NSMAF: variants seen among roughly 807,000 people sequenced by gnomAD.
NSMAF encodes protein FAN.
Under a neutral mutation model 134.9 loss-of-function variants are expected in NSMAF, and 90 were observed. That is an observed-to-expected ratio of 0.67 (90% CI 0.56 to 0.79). The LOEUF is 0.79. Ranked by LOEUF, NSMAF falls within the 30% of genes least tolerant of loss-of-function variation. The pLI is 0.00. For synonymous variants in NSMAF, 358 were observed against 389.6 expected, an observed-to-expected ratio of 0.92 and a Z score of 0.96; for missense variants, 1,010 against 1,119.0, an observed-to-expected ratio of 0.90 and a Z score of 1.39.
intron 6 of NSMAF, 116 bp from the exon 7 acceptor site, chr8:58,623,896 T>G: frequency 1.4e-6 from 1 of 740,710 alleles, no homozygotes; most frequent in East Asian, 2.7e-5. Context: ...TTTTACCTAG[T>G]GTAACTTCCC....
intron 9 of NSMAF, 103 bp from the exon 10 acceptor site, chr8:58,609,836 A>T (rs1806487705): frequency 4.9e-6 from 5 of 1,027,656 alleles, no homozygotes; most frequent in Non-Finnish European, 5.7e-6. Flanking sequence ...ACATTTGTCT[A>T]AACACTACAT....
chr8:58,655,399 C>CT (rs200424193), intron 1 of NSMAF, among the ~76,000 whole-genome samples: 352 of 144,902 alleles, frequency 2.4e-3, no homozygotes, highest in African/African-American at 3.9e-3. Context: ...ATAGAAATGT[C>CT]TTTTTTTTTT....
At chr8:58,593,560 C>T (rs566999132) in intron 23 of NSMAF, among the ~76,000 whole-genome samples, 13 of 152,264 alleles carry the variant, frequency 8.5e-5, no homozygotes, top group African/African-American at 3.1e-4. Context: ...TACTACCCTT[C>T]CATCTCTGCA....
chr8:58,643,288 A>G (rs1483502665), intron 1 of NSMAF, among the ~76,000 whole-genome samples: 3 of 152,240 alleles, frequency 2.0e-5, no homozygotes, highest in Non-Finnish European at 4.4e-5. Flanking sequence ...TATGTCAAAA[A>G]TAAAATCACT....
At chr8:58,648,043 G>A (rs1807501329) in intron 1 of NSMAF, among the ~76,000 whole-genome samples, 1 of 152,194 alleles carries the variant, frequency 6.6e-6, no homozygotes, top group East Asian at 1.9e-4. Flanking sequence ...CCAAAATACA[G>A]ATAGGAATAT....
chr8:58,655,392 G>T (rs1807680405), intron 1 of NSMAF, among the ~76,000 whole-genome samples: 1 of 149,682 alleles, frequency 6.7e-6, no homozygotes, highest in African/African-American at 2.5e-5. Flanking sequence ...TCATAAAATA[G>T]AAATGTCTTT....
At chr8:58,606,214 G>A (rs537696313) in intron 11 of NSMAF, among the ~76,000 whole-genome samples, 179 bp from the exon 12 acceptor site, 4 of 150,660 alleles carry the variant, frequency 2.7e-5, no homozygotes, top group East Asian at 1.9e-4. Flanking sequence ...ATACGTTTGC[G>A]TATATATATA....
chr8:58,586,929 C>T (rs760721854), intron 27 of NSMAF, among the ~76,000 whole-genome samples: 4 of 152,174 alleles, frequency 2.6e-5, no homozygotes, highest in Non-Finnish European at 5.9e-5. Context: ...AGTGAGCCGC[C>T]AAAGTGCCTG....
At chr8:58,626,259 CT>C (rs1390585700) in intron 6 of NSMAF, among the ~76,000 whole-genome samples, 28 of 146,812 alleles carry the variant, frequency 1.9e-4, no homozygotes, top group Admixed American at 8.1e-4. Context: ...CCTCGCCCGG[CT>C]AATTTTTTGT....
At chr8:58,589,921 G>A in intron 25 of NSMAF, 86 bp downstream of exon 25, 1 of 1,122,596 alleles carries the variant, frequency 8.9e-7, no homozygotes, top group Non-Finnish European at 1.3e-6. Flanking sequence ...TCCTGGCAGG[G>A]AAAGCTTCTG....
chr8:58,620,292 T>G (rs959531452), intron 9 of NSMAF, among the ~76,000 whole-genome samples: 1 of 152,070 alleles, frequency 6.6e-6, no homozygotes, highest in African/African-American at 2.4e-5. Context: ...AGAAGGAGGA[T>G]GAGTTTTCTA....
intron 24 of NSMAF, among the ~76,000 whole-genome samples, chr8:58,590,290 G>A (rs1805992983): frequency 6.6e-6 from 1 of 152,016 alleles, no homozygotes; most frequent in Admixed American, 6.5e-5. Context: ...GGGTATTTAC[G>A]ACCTAGCCTG....
At chr8:58,592,250 T>C (rs142605608) in intron 23 of NSMAF, among the ~76,000 whole-genome samples, 439 of 152,334 alleles carry the variant, frequency 2.9e-3, no homozygotes, top group African/African-American at 0.01. Flanking sequence ...CCTTGATGTC[T>C]AGTGGTTAGG....
chr8:58,600,272 C>G, intron 16 of NSMAF: 1 of 475,720 alleles, frequency 2.1e-6, no homozygotes. Context: ...CCATTAGCTA[C>G]CATATACACA....
chr8:58,593,124 G>T (rs1806057414), intron 23 of NSMAF, among the ~76,000 whole-genome samples: 1 of 152,166 alleles, frequency 6.6e-6, no homozygotes, highest in Non-Finnish European at 1.5e-5. Flanking sequence ...AAAGCACTTT[G>T]TCTGAGGCTA....
intron 19 of NSMAF, among the ~76,000 whole-genome samples, chr8:58,598,272 A>G (rs1279346298): frequency 6.6e-6 from 1 of 152,186 alleles, no homozygotes; most frequent in Non-Finnish European, 1.5e-5. Flanking sequence ...TATTAAAAAA[A>G]GAAAACACAC....
chr8:58,646,800 T>G (rs1807464612), intron 1 of NSMAF, among the ~76,000 whole-genome samples: 1 of 152,212 alleles, frequency 6.6e-6, no homozygotes, highest in African/African-American at 2.4e-5. Flanking sequence ...TGGTATTGTA[T>G]CTGACTGTAA....
In NSMAF at chr8:58,602,106, G is replaced by T; in HGVS notation, c.1077C>A (p.Leu359=). ...TATTTAGGGCCCCTACTGGCTTACT[G>T]AGATCCCGGAAGGTTCCTGGATTTG... ...DLSNPGTFRD[L]SKPVGALNKE... is the part of the protein sequence containing the mutation. Residue 359 remains leucine, a synonymous_variant, in exon 14 of 31, where the codon CTC becomes CTA. Transcript: ENST00000038176. 6.2e-7 allele frequency: 1 copy of T among 1,613,546 alleles called. No homozygotes were observed. Among genetic ancestry groups the T allele is most frequent in the Admixed American group, 1.7e-5 (1 of 60,006 alleles).
chr8:58,597,255 C>T, intron 21 of NSMAF, 132 bp downstream of exon 21: 1 of 795,920 alleles, frequency 1.3e-6, no homozygotes, highest in Non-Finnish European at 2.0e-6. Context: ...TTCAGGAGAA[C>T]TGCAATAAGG....
Sources: allele counts gnomAD v4.1 joint callset (sites outside exome capture counted in the v4.1 genomes callset), GRCh38; gene constraint gnomAD v4.1.1; transcripts MANE v1.5; gene names NCBI Gene and HGNC (gene_info 2026-07-23, HGNC 2026-07-21).